The following IKBKE variants were observed in gnomAD, a reference collection of about 807,000 sequenced individuals.
IKBKE encodes the protein inhibitor of nuclear factor kappa B kinase subunit epsilon.
Under a neutral mutation model 92.1 loss-of-function variants are expected in IKBKE, and 45 were observed. That is an observed-to-expected ratio of 0.49 (90% CI 0.38 to 0.63). The LOEUF is 0.63. Ranked by LOEUF, IKBKE falls within the 20% of genes least tolerant of loss-of-function variation. The probability of loss-of-function intolerance (pLI) is 0.00; values close to 1 mark genes in which losing one functional copy is unlikely to be tolerated. For missense variants in IKBKE, 700 were observed against 932.8 expected (o/e 0.75, Z 3.25); for synonymous variants, 374 against 380.3 (o/e 0.98, Z 0.19).
At chr1:206,474,282 A>C (rs781981023) in intron 3 of IKBKE, 49 bp from the exon 4 acceptor site, 13 of 1,561,866 alleles carry the variant, frequency 8.3e-6, no homozygotes, top group Non-Finnish European at 8.7e-7. Context: ...TGGGAGTGGG[A>C]CATGTGCTAA....
intron 13 of IKBKE, 132 bp downstream of exon 13, chr1:206,480,665 A>G: frequency 1.4e-6 from 1 of 703,386 alleles, no homozygotes; most frequent in Non-Finnish European, 2.5e-6. Flanking sequence ...CCTAGAATAG[A>G]GGGCACCCGC....
Position 206,490,717 on chromosome 1 carries a change from A to G in IKBKE, c.1694-102A>G. The stretch of plus-strand genomic sequence containing the variant: ...GCGGTGAGTTCCCGTGAAGCAGCAC[A>G]GGCTGGGCCGTCTTCATCTTTTAAC... On this transcript the variant is annotated intron_variant, in intron 16 of 21. Transcript: ENST00000581977. This position sits in a 1 kb window ranked among gnomAD's most constrained non-coding sequence, Gnocchi z 5.2. 8.3e-7 allele frequency: 1 copy of G among 1,211,892 alleles called. No individual in the cohort carries two copies. Among genetic ancestry groups the G allele is most frequent in the Non-Finnish European group, 1.2e-6 (1 of 818,912 alleles). The allele number at this position is 1,211,892 out of a possible 1,614,324, so 75.1% of individuals were successfully genotyped here.
Position 206,476,931 on chromosome 1 carries a change from A to C in IKBKE, c.701+93A>C. On this transcript the variant is annotated intron_variant, in intron 7 of 21. Transcript: ENST00000581977. This position sits in a 1 kb window ranked among gnomAD's most constrained non-coding sequence, Gnocchi z 5.1. ...TTGCTGTGTCTTCTGGTCCCCTCAC[A>C]CTCCATGGCCCTCCTCTGGTCCACC... 7.2e-7 allele frequency: 1 copy of C among 1,384,860 alleles called. No individual in the cohort carries two copies. The highest frequency in any genetic ancestry group is 1.4e-5 in the African/African-American group (1 of 69,684). The allele number at this position is 1,384,860 out of a possible 1,614,324, so 85.8% of individuals were successfully genotyped here.
chr1:206,474,320 C>T lies in IKBKE; in HGVS notation c.88-11C>T, dbSNP rs1664937187. 1.2e-6 allele frequency: 2 copies of T among 1,609,404 alleles called. No homozygotes were observed. The highest frequency in any genetic ancestry group is 1.3e-5 in the African/African-American group (1 of 74,882). On this transcript the variant is annotated splice_polypyrimidine_tract_variant and intron_variant, in intron 3 of 21. Coordinates refer to ENST00000581977, the MANE Select transcript of IKBKE (RefSeq NM_014002.4). ...CCATGCTGTCTCCCACTGCTCCCTC[C>T]CCAATGGCAGAAATCCGGAGAGCTG... is the stretch of plus-strand genomic sequence containing the variant.
chr1:206,487,856 C>G lies in IKBKE; in HGVS notation c.1617-58C>G, dbSNP rs1665746430. The G allele has an allele frequency of 2.1e-6, 3 of 1,421,282 alleles. No individual in the cohort carries two copies. In the African/African-American group the frequency reaches 4.2e-5, roughly 20 times the overall value. The allele number at this position is 1,421,282 out of a possible 1,614,324, so 88.0% of individuals were successfully genotyped here. A position where few individuals can be genotyped will look rare whatever the true frequency, so the allele number is the denominator to read the frequency against. The stretch of plus-strand genomic sequence containing the variant: ...CCACTGCCACCCTTCCCCTCCCTCC[C>G]TCTTTCCTCTGTGCTATTAGATTCT... On this transcript the variant is annotated intron_variant, in intron 15 of 21. Coordinates refer to ENST00000581977, the MANE Select transcript of IKBKE (RefSeq NM_014002.4). This position sits in a 1 kb window ranked among gnomAD's most constrained non-coding sequence, Gnocchi z 5.3.
intron 2 of IKBKE, among the ~76,000 whole-genome samples, chr1:206,472,147 A>C (rs1424940019): frequency 3.3e-5 from 5 of 152,176 alleles, no homozygotes; most frequent in African/African-American, 9.7e-5. Flanking sequence ...GCTCCTCAGG[A>C]GGCTGAGTTG....
chr1:206,476,980 T>C lies in IKBKE; in HGVS notation c.701+142T>C. 1 of 853,558 alleles carries C rather than the reference T, an allele frequency of 1.2e-6. No homozygotes were observed. The highest frequency in any genetic ancestry group is 1.7e-5 in the African/African-American group (1 of 58,786). 52.9% of individuals were successfully genotyped at this position (853,558 alleles called of 1,614,324 possible). ...CCCCCCAACCCAGGCTCTTTGTAGATCTTTTTTTGTTAATGGGATCAAACA... is the reference window on the plus strand; with the variant it reads ...CCCCCCAACCCAGGCTCTTTGTAGACCTTTTTTTGTTAATGGGATCAAACA... On this transcript the variant is annotated intron_variant, in intron 7 of 21. Transcript: ENST00000581977. This position sits in a 1 kb window ranked among gnomAD's most constrained non-coding sequence, Gnocchi z 5.1.
In IKBKE at chr1:206,473,292, G is replaced by A; in HGVS notation, c.65G>A (p.Ser22Asn). Residue 22 changes from serine to asparagine, a missense_variant, in exon 3 of 22, where the codon AGT (serine) becomes AAT (asparagine). Physicochemically the swap from Ser to Asn is conservative, Grantham distance 46 (BLOSUM62 1). Transcript: ENST00000581977. The part of the protein sequence containing the change: ...DDLLGQGATA[S>N]VYKARNKKSG... Reference sequence around the variant, plus strand: ...CTGCTGGGGCAGGGGGCCACTGCCAGTGTGTACAAGGCCCGCAACAAGGTA... The same window carrying A: ...CTGCTGGGGCAGGGGGCCACTGCCAATGTGTACAAGGCCCGCAACAAGGTA... 1.9e-6 allele frequency: 3 copies of A among 1,612,834 alleles called. No homozygotes were observed.
intron 16 of IKBKE, among the ~76,000 whole-genome samples, chr1:206,489,369 G>GTGTATATA (rs1452670242): frequency 9.2e-5 from 11 of 119,208 alleles, no homozygotes; most frequent in East Asian, 2.6e-4. Context: ...GTGTGTGTGT[G>GTGTATATA]TATATATATA....
At chr1:206,489,369 G>GTGTGTA (rs1452670242) in intron 16 of IKBKE, among the ~76,000 whole-genome samples, 21 of 119,206 alleles carry the variant, frequency 1.8e-4, no homozygotes, top group East Asian at 5.1e-4. Context: ...GTGTGTGTGT[G>GTGTGTA]TATATATATA....
At chr1:206,475,267 C>A in intron 5 of IKBKE, 2 of 479,756 alleles carry the variant, frequency 4.2e-6, no homozygotes, top group African/African-American at 2.0e-5. Context: ...CTGACACCTG[C>A]TACAACATGG....
chr1:206,493,322 C>T lies in IKBKE; in HGVS notation c.1989C>T (p.Ala663=), dbSNP rs782122099. ...AGGACCGAGCAAAGGGGGCTCAGGCCTCGCCGCCTCCCATAGCTCCTTACC... is the reference window on the plus strand; with the variant it reads ...AGGACCGAGCAAAGGGGGCTCAGGCTTCGCCGCCTCCCATAGCTCCTTACC... ...LLQDRAKGAQ[A]SPPPIAPYPS... Residue 663 remains alanine (A), a synonymous_variant, in exon 20 of 22, where the codon GCC becomes GCT. Coordinates refer to ENST00000581977, the MANE Select transcript of IKBKE (RefSeq NM_014002.4). 4 of 1,614,024 alleles carry T rather than the reference C, an allele frequency of 2.5e-6. No individual in the cohort carries two copies. The highest frequency in any genetic ancestry group is 3.3e-5 in the Admixed American group (2 of 60,010).
intron 21 of IKBKE, 108 bp from the exon 22 acceptor site, chr1:206,496,004 G>A (rs2103489649): frequency 1.3e-6 from 1 of 765,688 alleles, no homozygotes; most frequent in East Asian, 2.7e-5. Flanking sequence ...GAGAGCTGAG[G>A]ACTTGAATGG....
At chr1:206,475,841 A>G (rs544198493) in intron 5 of IKBKE, among the ~76,000 whole-genome samples, 2 of 152,258 alleles carry the variant, frequency 1.3e-5, no homozygotes, top group African/African-American at 4.8e-5. Flanking sequence ...TGTACACTTA[A>G]AATTGGTTAA....
rs1553389191 is a variant in IKBKE at position 206,487,894 on chromosome 1, T to C, written c.1617-20T>C. The C allele has an allele frequency of 6.2e-7, 1 of 1,606,118 alleles. No homozygotes were observed. Among genetic ancestry groups the C allele is most frequent in the African/African-American group, 1.3e-5 (1 of 74,776 alleles). On this transcript the variant is annotated intron_variant, in intron 15 of 21. Transcript: ENST00000581977. The surrounding 1 kb of genome is among the most constrained non-coding windows in gnomAD (Gnocchi z 5.3). ...GCTATTAGATTCTTCCAACACCTGG[T>C]CCCTGTCTCCTGCCCACAGCATCCA...
At chr1:206,472,991 G>A in intron 2 of IKBKE, 1 of 525,356 alleles carries the variant, frequency 1.9e-6, no homozygotes, top group Non-Finnish European at 3.4e-6. Flanking sequence ...AGGGCTCAGT[G>A]GGGGCCCTCT....
chr1:206,492,536 G>A, intron 18 of IKBKE: 1 of 471,504 alleles, frequency 2.1e-6, no homozygotes, highest in Non-Finnish European at 4.4e-6. Context: ...GCTTCTCCAG[G>A]TGATTCTAAT....
In IKBKE at chr1:206,490,920, G is replaced by A. The variant is rs1254490754; in HGVS notation, c.1733+62G>A. ...AGGGTGGGTGTCCTCAGGGCAGAGC[G>A]ATTCTCAACGCCAGAGGAGAGGCAG... On this transcript the variant is annotated intron_variant, in intron 17 of 21. Transcript: ENST00000581977. This position sits in a 1 kb window ranked among gnomAD's most constrained non-coding sequence, Gnocchi z 5.2. 8 of 1,452,378 alleles carry A rather than the reference G, an allele frequency of 5.5e-6. No homozygotes were observed. Among genetic ancestry groups the A allele is most frequent in the Non-Finnish European group, 5.8e-6 (6 of 1,034,414 alleles). The allele number at this position is 1,452,378 out of a possible 1,614,324, so 90.0% of individuals were successfully genotyped here.
At position 206,478,123 on chromosome 1, in the gene IKBKE, C is replaced by T. The variant is rs782512536; in HGVS notation, c.813-37C>T. ...CTGCTTAAGGAGGATAGGTCTGGGC[C>T]CCCACCCCTGACAGTCTCCATGTCC... is the stretch of plus-strand genomic sequence containing the variant. On this transcript the variant is annotated intron_variant, in intron 8 of 21. Coordinates refer to ENST00000581977, the MANE Select transcript of IKBKE (RefSeq NM_014002.4). This position sits in a 1 kb window ranked among gnomAD's most constrained non-coding sequence, Gnocchi z 4.8. 8.8e-6 allele frequency: 14 copies of T among 1,590,646 alleles called. No homozygotes were observed. The highest frequency in any genetic ancestry group is 1.1e-5 in the Non-Finnish European group (13 of 1,163,448).
Sources: gnomAD v4.1 joint callset for allele counts (sites outside exome capture counted in the v4.1 genomes callset) on GRCh38, gnomAD v4.1.1 for gene constraint, Gnocchi (gnomAD v3.1) non-coding constraint, MANE v1.5 for transcripts, NCBI Gene and HGNC (gene_info 2026-07-23, HGNC 2026-07-21) for gene names.